Variants in GATAD2B observed in about 807,000 individuals in gnomAD.
GATAD2B encodes the protein GATA zinc finger domain containing 2B, also known as transcriptional repressor p66-beta.
Under a neutral mutation model 64.3 loss-of-function variants are expected in GATAD2B, and 8 were observed. That is an observed-to-expected ratio of 0.12 (90% confidence interval 0.07 to 0.22). The LOEUF is 0.22. Among genes scored for constraint, GATAD2B ranks in the 10% least tolerant of loss-of-function variants. GATAD2B has a pLI of 1.00. For synonymous variants in GATAD2B, 281 were observed against 271.3 expected (o/e 1.04, Z -0.35); for missense variants, 453 against 752.0 (o/e 0.60, Z 4.65).
At chr1:153,833,067 C>T (rs149783884) in intron 1 of GATAD2B, among the ~76,000 whole-genome samples, 1,545 of 152,116 alleles carry the variant, frequency 0.01, 27 homozygotes, top group African/African-American at 0.035. Flanking sequence ...ATAAACTGGG[C>T]ATAGTAGTGC....
intron 1 of GATAD2B, among the ~76,000 whole-genome samples, chr1:153,874,376 C>A (rs1372845405): frequency 6.6e-6 from 1 of 151,984 alleles, no homozygotes; most frequent in Non-Finnish European, 1.5e-5. Context: ...TATGAAGTGC[C>A]CCTAAGAGAT....
At chr1:153,843,432 C>T (rs1200404494) in intron 1 of GATAD2B, among the ~76,000 whole-genome samples, 1 of 150,622 alleles carries the variant, frequency 6.6e-6, no homozygotes, top group Admixed American at 6.7e-5. Flanking sequence ...GGAGAAGCGA[C>T]ATTTACAAAA....
At chr1:153,894,163 A>G (rs1342449492) in intron 1 of GATAD2B, among the ~76,000 whole-genome samples, 1 of 152,000 alleles carries the variant, frequency 6.6e-6, no homozygotes, top group African/African-American at 2.4e-5. Context: ...AATGACTAGG[A>G]GAGAACATAA....
Position 153,892,113 on chromosome 1 carries a change from C to T in GATAD2B, c.-2+30620G>A, listed in dbSNP as rs545208185. On this transcript the variant is annotated intron_variant, in intron 1 of 10. Coordinates refer to ENST00000368655, the MANE Select transcript of GATAD2B (RefSeq NM_020699.4). ...CCAGGAGGCGGAGGTTGCAGTGAGC[C>T]GAGATCATTTCACTGCACTCTAGCC... Among the ~76,000 whole-genome samples, 4 of 142,242 alleles carry T rather than the reference C, an allele frequency of 2.8e-5. No homozygotes were observed. In the East Asian group the frequency reaches 6.2e-4, roughly 22 times the overall value. 93.3% of individuals were successfully genotyped at this position (142,242 alleles called of 152,430 possible).
At chr1:153,857,482 T>C (rs551002007) in intron 1 of GATAD2B, among the ~76,000 whole-genome samples, 2 of 152,268 alleles carry the variant, frequency 1.3e-5, no homozygotes, top group South Asian at 4.1e-4. Flanking sequence ...TTTGATATAG[T>C]GTCCCTTCAT....
chr1:153,891,182 A>C (rs1677378280), intron 1 of GATAD2B, among the ~76,000 whole-genome samples: 1 of 150,398 alleles, frequency 6.6e-6, no homozygotes, highest in African/African-American at 2.4e-5. Flanking sequence ...ATTCCGCCTC[A>C]AAGAAACACA....
intron 1 of GATAD2B, among the ~76,000 whole-genome samples, chr1:153,910,850 A>T (rs1678091016): frequency 6.6e-6 from 1 of 152,240 alleles, no homozygotes; most frequent in African/African-American, 2.4e-5. Flanking sequence ...AAGGTAAGCT[A>T]GGCTAAGCTA....
chr1:153,889,697 G>T, intron 1 of GATAD2B: 1 of 787,050 alleles, frequency 1.3e-6, no homozygotes, highest in Non-Finnish European at 1.5e-6. Flanking sequence ...ATTTTCATAT[G>T]TTCTCTGTAT....
chr1:153,837,183 C>A (rs1431048705), intron 1 of GATAD2B, among the ~76,000 whole-genome samples: 2 of 151,978 alleles, frequency 1.3e-5, no homozygotes, highest in Non-Finnish European at 2.9e-5. Context: ...ATATGAGGTA[C>A]CTAGAGATAG....
chr1:153,889,415 A>G (rs977106045), intron 1 of GATAD2B, among the ~76,000 whole-genome samples: 1 of 112,058 alleles, frequency 8.9e-6, no homozygotes, highest in African/African-American at 3.0e-5. Flanking sequence ...CCCGTCTCCA[A>G]AAAAAAAAAA....
At chr1:153,823,056 A>C (rs566026846) in intron 2 of GATAD2B, among the ~76,000 whole-genome samples, 50 of 152,344 alleles carry the variant, frequency 3.3e-4, no homozygotes, top group African/African-American at 1.2e-3. Context: ...AAGTGCTGAG[A>C]TTACAGGCGT....
At chr1:153,834,283 C>T (rs979482251) in intron 1 of GATAD2B, among the ~76,000 whole-genome samples, 3 of 151,578 alleles carry the variant, frequency 2.0e-5, no homozygotes, top group African/African-American at 7.3e-5. Flanking sequence ...GGATTACAGG[C>T]ATGACCACCA....
intron 1 of GATAD2B, among the ~76,000 whole-genome samples, chr1:153,875,838 C>A (rs866250232): frequency 1.7e-4 from 26 of 152,212 alleles, no homozygotes; most frequent in African/African-American, 5.8e-4. Flanking sequence ...CGCTAAAGTG[C>A]TTCACAATGC....
chr1:153,831,338 G>C (rs1675071448), intron 1 of GATAD2B, among the ~76,000 whole-genome samples: 1 of 152,060 alleles, frequency 6.6e-6, no homozygotes, highest in South Asian at 2.1e-4. Context: ...GTCTGTTGGG[G>C]GGTAGGAGGC....
chr1:153,820,598 G>A, intron 2 of GATAD2B, among the ~76,000 whole-genome samples: 2 of 152,174 alleles, frequency 1.3e-5, no homozygotes, highest in South Asian at 4.1e-4. Context: ...GTAGTTGGTA[G>A]TATATAGGTC....
In GATAD2B at chr1:153,859,899, TTTC is replaced by T. The variant is rs368205788; in HGVS notation, c.-1-31554_-1-31552del. Among the ~76,000 whole-genome samples, 298 of 118,152 alleles carry T rather than the reference TTTC, an allele frequency of 2.5e-3. 1 individual carries two copies. The highest frequency in any genetic ancestry group is 8.1e-3 in the African/African-American group (282 of 34,694). The allele number at this position is 118,152 out of a possible 152,430, so 77.5% of individuals were successfully genotyped here. A position where few individuals can be genotyped will look rare whatever the true frequency, so the allele number is the denominator to read the frequency against. On this transcript the variant is annotated intron_variant, in intron 1 of 10. Transcript: ENST00000368655. ...TCTTTGTGCTGTCAAGGAATTTTCT[TTTC>T]TTTTCTTTTTTTTTTTTTTTTTTTT...
chr1:153,820,369 T>A (rs749389303), intron 2 of GATAD2B, among the ~76,000 whole-genome samples: 8 of 152,194 alleles, frequency 5.3e-5, no homozygotes, highest in Non-Finnish European at 1.0e-4. Context: ...TCCTATTTAC[T>A]AGATAACTCT....
At chr1:153,884,789 G>A (rs1474978455) in intron 1 of GATAD2B, among the ~76,000 whole-genome samples, 2 of 151,580 alleles carry the variant, frequency 1.3e-5, no homozygotes, top group Non-Finnish European at 2.9e-5. Context: ...AGACAGTCTC[G>A]CTCCGTTGCC....
chr1:153,829,001 T>C (rs1453607724), intron 1 of GATAD2B, among the ~76,000 whole-genome samples: 1 of 152,030 alleles, frequency 6.6e-6, no homozygotes, highest in African/African-American at 2.4e-5. Context: ...GCCCAGGAGT[T>C]CAAGACCAGC....
Sources: allele counts gnomAD v4.1 joint callset (sites outside exome capture counted in the v4.1 genomes callset), GRCh38; gene constraint gnomAD v4.1.1; transcripts MANE v1.5; gene names NCBI Gene and HGNC (gene_info 2026-07-23, HGNC 2026-07-21).